The following KDM2A variants were observed in gnomAD, a reference collection of about 807,000 sequenced individuals.
KDM2A encodes lysine-specific demethylase 2A.
In KDM2A, 3 loss-of-function variants were observed where a neutral mutation model predicts 137.3. The ratio of observed to expected loss-of-function variants is 0.02; its 90% CI spans 0.01 to 0.06. The LOEUF (loss-of-function observed/expected upper bound fraction) is 0.06, where lower values mean the gene tolerates loss of function less well. Ranked by LOEUF, KDM2A falls within the 10% of genes least tolerant of loss-of-function variation. The probability of loss-of-function intolerance (pLI) is 1.00; values close to 1 mark genes in which losing one functional copy is unlikely to be tolerated. For missense variants in KDM2A, 738 were observed against 1,510.6 expected, an observed-to-expected ratio of 0.49 and a Z score of 8.48; for synonymous variants, 512 against 541.5, an observed-to-expected ratio of 0.95 and a Z score of 0.76.
At chr11:67,156,532 A>G (rs190699506) in intron 2 of KDM2A, among the ~76,000 whole-genome samples, 331 of 151,942 alleles carry the variant, frequency 2.2e-3, no homozygotes, top group African/African-American at 7.7e-3. Context: ...CCTGGCTAAC[A>G]CAGTGAAACC....
At chr11:67,208,362 C>T (rs951111193) in intron 6 of KDM2A, among the ~76,000 whole-genome samples, 19 of 151,924 alleles carry the variant, frequency 1.3e-4, no homozygotes, top group African/African-American at 3.1e-4. Context: ...CGTGAGCCAC[C>T]GTGCCTGGGC....
In KDM2A at chr11:67,255,213, G is replaced by A; in HGVS notation, c.*158G>A. 1.5e-6 allele frequency: 1 copy of A among 651,974 alleles called. No individual in the cohort carries two copies. The highest frequency in any genetic ancestry group is 2.6e-6 in the Non-Finnish European group (1 of 381,000). 40.4% of individuals were successfully genotyped at this position (651,974 alleles called of 1,614,324 possible). On this transcript the variant is annotated 3_prime_UTR_variant, in exon 21 of 21. Coordinates refer to ENST00000529006, the MANE Select transcript of KDM2A (RefSeq NM_012308.3). Reference sequence around the variant, plus strand: ...CTTCCTCTACAGGTGGGGCAGAGAGGGTGGTGGACACCAGGCTTATCTGCC... The same window carrying A: ...CTTCCTCTACAGGTGGGGCAGAGAGAGTGGTGGACACCAGGCTTATCTGCC...
chr11:67,182,182 C>A (rs1388962308), intron 5 of KDM2A, among the ~76,000 whole-genome samples: 2 of 152,090 alleles, frequency 1.3e-5, no homozygotes, highest in Non-Finnish European at 1.5e-5. Context: ...CGAAAACTTA[C>A]ATCTCTTAGC....
intron 5 of KDM2A, among the ~76,000 whole-genome samples, chr11:67,184,208 T>C (rs1857152767): frequency 6.6e-6 from 1 of 151,056 alleles, no homozygotes; most frequent in African/African-American, 2.4e-5. Flanking sequence ...TAAAGGGCTA[T>C]TGTGGCCGGG....
chr11:67,168,600 C>T (rs1345238465), intron 2 of KDM2A, among the ~76,000 whole-genome samples: 1,410 of 82,870 alleles, frequency 0.017, 277 homozygotes, highest in African/African-American at 0.029. Context: ...CACACACACA[C>T]ACACACACAC....
In KDM2A at chr11:67,254,069, A is replaced by G; in HGVS notation, c.3092-134A>G. 1.4e-6 allele frequency: 1 copy of G among 692,108 alleles called. No homozygotes were observed. Among genetic ancestry groups the G allele is most frequent in the Non-Finnish European group, 2.4e-6 (1 of 417,116 alleles). 42.9% of individuals were successfully genotyped at this position (692,108 alleles called of 1,614,324 possible). A position where few individuals can be genotyped will look rare whatever the true frequency, so the allele number is the denominator to read the frequency against. ...CACCCAGTGCTCACACCCTGAAGGC[A>G]TGGCTGGGTGTGGGCAGTTCTACTT... On this transcript the variant is annotated intron_variant, in intron 19 of 20. Transcript: ENST00000529006. This position sits in a 1 kb window ranked among gnomAD's most constrained non-coding sequence, Gnocchi z 4.7.
At chr11:67,178,001 T>A (rs1462611952) in intron 2 of KDM2A, among the ~76,000 whole-genome samples, 1 of 152,228 alleles carries the variant, frequency 6.6e-6, no homozygotes, top group African/African-American at 2.4e-5. Context: ...GACTGAAATG[T>A]CATTATACTG....
At position 67,250,154 on chromosome 11, in the gene KDM2A, C is replaced by T. The variant is rs1361741704; in HGVS notation, c.2124C>T (p.Cys708=). 3.1e-6 allele frequency: 5 copies of T among 1,613,246 alleles called. No homozygotes were observed. The highest frequency in any genetic ancestry group is 1.7e-5 in the Admixed American group (1 of 59,928). ...QAKVLRPLRS[C]DEPLTPPPHS... ...AAGTCCTGCGGCCCCTGCGGAGCTGCGATGAGCCTCTCACGCCCCCGCCTC... is the reference window on the plus strand; with the variant it reads ...AAGTCCTGCGGCCCCTGCGGAGCTGTGATGAGCCTCTCACGCCCCCGCCTC... The change falls in exon 17 of 21, where the codon TGC becomes TGT. Residue 708 remains cysteine (C), a synonymous_variant. Coordinates refer to ENST00000529006, the MANE Select transcript of KDM2A (RefSeq NM_012308.3). This position sits in a 1 kb window ranked among gnomAD's most constrained non-coding sequence, Gnocchi z 7.1.
At chr11:67,251,300 G>A (rs780688409) in intron 17 of KDM2A, among the ~76,000 whole-genome samples, 2 of 152,124 alleles carry the variant, frequency 1.3e-5, no homozygotes, top group Non-Finnish European at 2.9e-5. Flanking sequence ...TTTTTCTTCA[G>A]TTTTAATGCT....
At chr11:67,177,831 C>G (rs1857003181) in intron 2 of KDM2A, among the ~76,000 whole-genome samples, 1 of 152,146 alleles carries the variant, frequency 6.6e-6, no homozygotes, top group South Asian at 2.1e-4. Flanking sequence ...TTTTACATGA[C>G]TGGCAGCACA....
At chr11:67,218,685 A>G (rs1405910424) in intron 9 of KDM2A, among the ~76,000 whole-genome samples, 2 of 151,916 alleles carry the variant, frequency 1.3e-5, no homozygotes, top group African/African-American at 2.4e-5. Flanking sequence ...GCTCACTGCA[A>G]CCTCCACCTC....
At position 67,214,007 on chromosome 11, in the gene KDM2A, C is replaced by T. The variant is rs534193116; in HGVS notation, c.487-1333C>T. 3.7e-4 allele frequency among the ~76,000 whole-genome samples: 57 copies of T among 152,034 alleles called. 1 individual carries two copies. In the South Asian group the frequency reaches 0.012, roughly 32 times the overall value. ...CCTCACAAGTAGCTAGGACTATAGG[C>T]ACATGCCACAACGCCTGGCTGTTTT... On this transcript the variant is annotated intron_variant, in intron 6 of 20. Transcript: ENST00000529006.
intron 9 of KDM2A, 45 bp downstream of exon 9, chr11:67,217,929 T>C (rs559989505): frequency 6.7e-7 from 1 of 1,501,150 alleles, no homozygotes; most frequent in South Asian, 1.3e-5. Flanking sequence ...TTTTTTTCCT[T>C]AATGAAAAAG....
At chr11:67,157,984 A>C (rs1381060298) in intron 2 of KDM2A, among the ~76,000 whole-genome samples, 1 of 152,142 alleles carries the variant, frequency 6.6e-6, no homozygotes, top group Admixed American at 6.6e-5. Context: ...TTTATAGTTT[A>C]AATTAGGTTT....
rs1307114356 is a variant in KDM2A, at chr11:67,231,556, A to T, written c.1085-10A>T. ...AATGTTCTTACTGCATTTTTTCTTC[A>T]TATTGGTAGATTTGGAGTTAAATGG... is the stretch of plus-strand genomic sequence containing the variant. On this transcript the variant is annotated splice_polypyrimidine_tract_variant and intron_variant, in intron 11 of 20. Transcript: ENST00000529006. 1 of 1,571,714 alleles carries T rather than the reference A, an allele frequency of 6.4e-7. No homozygotes were observed. Among genetic ancestry groups the T allele is most frequent in the Non-Finnish European group, 8.6e-7 (1 of 1,159,546 alleles).
chr11:67,215,790 C>A, intron 7 of KDM2A, 66 bp from the exon 8 acceptor site: 2 of 1,146,204 alleles, frequency 1.7e-6, no homozygotes, highest in Non-Finnish European at 2.6e-6. Context: ...GAGAGTATGG[C>A]ATTTTGGTGG....
At chr11:67,217,423 G>A in intron 8 of KDM2A, 1 of 339,474 alleles carries the variant, frequency 2.9e-6, no homozygotes, top group South Asian at 3.3e-5. Context: ...TAGGACTCTG[G>A]AAGCCAGACA....
chr11:67,212,636 T>C (rs1404394634), intron 6 of KDM2A, among the ~76,000 whole-genome samples: 1 of 152,050 alleles, frequency 6.6e-6, no homozygotes, highest in Non-Finnish European at 1.5e-5. Context: ...GGCTAAAGAT[T>C]AACCTAAGAA....
At chr11:67,217,637 C>T (rs528762686) in intron 8 of KDM2A, 94 bp from the exon 9 acceptor site, 5 of 1,269,424 alleles carry the variant, frequency 3.9e-6, no homozygotes, top group Non-Finnish European at 5.6e-6. Context: ...TTTCTTCTAC[C>T]TGGTGGTCTT....
Sources: allele counts gnomAD v4.1 joint callset (sites outside exome capture counted in the v4.1 genomes callset), GRCh38; gene constraint gnomAD v4.1.1; non-coding constraint Gnocchi (gnomAD v3.1); transcripts MANE v1.5; gene names NCBI Gene and HGNC (gene_info 2026-07-23, HGNC 2026-07-21).